Variants in RANGAP1 observed in about 807,000 individuals in gnomAD.
RANGAP1 encodes the protein Ran GTPase activating protein 1.
In RANGAP1, 38 loss-of-function variants were observed where a neutral mutation model predicts 63.5. The observed-to-expected ratio is 0.60, with a 90% CI of 0.46 to 0.78. RANGAP1 has a LOEUF of 0.78. RANGAP1 is among the 30% of genes least tolerant of loss of function. The pLI is 0.00. For missense variants in RANGAP1, 630 were observed against 740.3 expected, an observed-to-expected ratio of 0.85 and a Z score of 1.73; for synonymous variants, 329 against 310.5, an observed-to-expected ratio of 1.06 and a Z score of -0.63.
intron 2 of RANGAP1, among the ~76,000 whole-genome samples, chr22:41,275,918 C>A (rs185590483): frequency 1.3e-5 from 2 of 152,170 alleles, no homozygotes; most frequent in East Asian, 3.9e-4. Context: ...AGCACTCCAG[C>A]CAGGGGGACA....
At chr22:41,296,770 TGA>T in the RANGAP1 span, among the ~76,000 whole-genome samples, 1 of 152,076 alleles carries the variant, frequency 6.6e-6, no homozygotes. Context: ...TATGTACGTA[TGA>T]GAGAGAGACA....
rs139509 is a variant in RANGAP1 at position 41,256,729 on chromosome 22, G to A, written c.870C>T (p.Gly290=). The stretch of plus-strand genomic sequence containing the variant: ...CTGGCACCTTTAGCTTGGGCAGGCC[G>A]CCGCGGATGGCATCTGCAATGGCAA... ...GAVAIADAIR[G]GLPKLKELNL... Residue 290 remains glycine, a synonymous_variant, in exon 8 of 16, where the codon GGC becomes GGT. Coordinates refer to ENST00000356244, the MANE Select transcript of RANGAP1 (RefSeq NM_002883.4). 0.25 allele frequency: 408,108 copies of A among 1,613,150 alleles called. 54,950 individuals carry two copies. Among genetic ancestry groups the A allele is most frequent in the Non-Finnish European group, 0.27 (319,222 of 1,179,538 alleles).
At chr22:41,301,306 G>A in the RANGAP1 span, among the ~76,000 whole-genome samples, 1 of 152,034 alleles carries the variant, frequency 6.6e-6, no homozygotes, top group Non-Finnish European at 1.5e-5. Context: ...GCCCAGAAAT[G>A]CAGAACTGCC....
In RANGAP1 at chr22:41,274,590, C is replaced by G; in HGVS notation, c.240+10G>C. On this transcript the variant is annotated intron_variant, in intron 3 of 15. Coordinates refer to ENST00000356244, the MANE Select transcript of RANGAP1 (RefSeq NM_002883.4). ...AACCAGCCTGGGCCTACTCGCCCCA[C>G]TCTGCTCACCTTCAACTCCGACTTC... 1 of 1,614,104 alleles carries G rather than the reference C, an allele frequency of 6.2e-7. No individual in the cohort carries two copies. The highest frequency in any genetic ancestry group is 2.2e-5 in the East Asian group (1 of 44,884).
chr22:41,252,971 G>T lies in RANGAP1; in HGVS notation c.1281C>A (p.Ser427=). Residue 427 remains serine, a synonymous_variant, in exon 12 of 16, where the codon TCC becomes TCA. Coordinates refer to ENST00000356244, the MANE Select transcript of RANGAP1 (RefSeq NM_002883.4). The part of the protein sequence containing the change: ...PNTGEPAPVL[S]SPPPADVSTF... The stretch of plus-strand genomic sequence containing the variant: ...TGGAGACGTCTGCAGGAGGTGGGGA[G>T]GACAGCACGGGAGCTGGCTCCTGGG... The T allele has an allele frequency of 6.6e-7, 1 of 1,523,064 alleles. No homozygotes were observed. Among genetic ancestry groups the T allele is most frequent in the Non-Finnish European group, 8.8e-7 (1 of 1,138,698 alleles). 94.3% of individuals were successfully genotyped at this position (1,523,064 alleles called of 1,614,324 possible). A position where few individuals can be genotyped will look rare whatever the true frequency, so the allele number is the denominator to read the frequency against.
At chr22:41,275,601 A>T (rs2035088834) in intron 2 of RANGAP1, among the ~76,000 whole-genome samples, 1 of 149,376 alleles carries the variant, frequency 6.7e-6, no homozygotes, top group African/African-American at 2.5e-5. Context: ...CAATATAGTG[A>T]AACCCCATCT....
chr22:41,253,204 G>A (rs2033591886), intron 11 of RANGAP1, among the ~76,000 whole-genome samples: 1 of 152,112 alleles, frequency 6.6e-6, no homozygotes, highest in African/African-American at 2.4e-5. Flanking sequence ...AGGAGCCTTT[G>A]GGGTGAGGGG....
intron 5 of RANGAP1, 48 bp from the exon 6 acceptor site, chr22:41,261,628 C>A: frequency 6.2e-7 from 1 of 1,612,366 alleles, no homozygotes; most frequent in Non-Finnish European, 8.5e-7. Flanking sequence ...AGCCCCTTCT[C>A]CCAGCGGGGT....
chr22:41,267,109 C>T (rs1034136130), intron 4 of RANGAP1, among the ~76,000 whole-genome samples: 39 of 151,876 alleles, frequency 2.6e-4, no homozygotes, highest in African/African-American at 9.2e-4. Context: ...GAACTCCTGA[C>T]CTCAAGCGAT....
At chr22:41,250,491 G>A (rs1442843783) in intron 13 of RANGAP1, among the ~76,000 whole-genome samples, 1 of 152,218 alleles carries the variant, frequency 6.6e-6, no homozygotes, top group Non-Finnish European at 1.5e-5. Flanking sequence ...AAACAGGGTG[G>A]AAGGTGACAG....
At chr22:41,256,317 C>G in intron 8 of RANGAP1, 27 bp from the exon 9 acceptor site, 1 of 1,607,120 alleles carries the variant, frequency 6.2e-7, no homozygotes. Flanking sequence ...GGGTTGGAGG[C>G]AGGCAGAAAC....
rs774810603 is a variant in RANGAP1, at chr22:41,274,652, A to G, written c.188T>C (p.Val63Ala). 96 of 1,614,042 alleles carry G rather than the reference A, an allele frequency of 5.9e-5. No homozygotes were observed. Among genetic ancestry groups the G allele is most frequent in the Non-Finnish European group, 7.4e-5 (87 of 1,180,034 alleles). The change falls in exon 3 of 16, where the codon GTG becomes GCG. Residue 63 changes from valine to alanine, a missense_variant. Val to Ala is a moderately conservative substitution (Grantham distance 64, BLOSUM62 0). Transcript: ENST00000356244. ...CTTGGCGATGACCCTGGCTGCTTCC[A>G]CGCCCACTGTGTTGCCTTCCAGACG... is the stretch of plus-strand genomic sequence containing the variant. The part of the protein sequence containing the change: ...ALRLEGNTVG[V>A]EAARVIAKAL...
intron 3 of RANGAP1, among the ~76,000 whole-genome samples, chr22:41,269,779 G>A (rs2034689342): frequency 6.7e-6 from 1 of 150,136 alleles, no homozygotes; most frequent in South Asian, 2.1e-4. Flanking sequence ...AAATTTGAAT[G>A]TTCCTAGCAT....
chr22:41,285,373 A>G, intron 1 of RANGAP1: 1 of 516,366 alleles, frequency 1.9e-6, no homozygotes, highest in Non-Finnish European at 2.5e-6. Context: ...TTTATAAACC[A>G]AGAAACTGGA....
chr22:41,302,247 AC>A, the RANGAP1 span, among the ~76,000 whole-genome samples: 3 of 150,410 alleles, frequency 2.0e-5, no homozygotes, highest in African/African-American at 7.4e-5. The surrounding 1 kb of genome is among the most constrained non-coding windows in gnomAD (Gnocchi z 5.7). Context: ...GCCCCGCAGC[AC>A]CCGGAGTTGG....
chr22:41,248,070 C>T (rs1983631), intron 15 of RANGAP1, among the ~76,000 whole-genome samples: 51,079 of 151,998 alleles, frequency 0.34, 9,095 homozygotes, highest in Admixed American at 0.52. Flanking sequence ...AGGGCTCAGG[C>T]GCAGACGGGG....
the RANGAP1 span, among the ~76,000 whole-genome samples, chr22:41,299,639 T>C: frequency 6.6e-6 from 1 of 152,200 alleles, no homozygotes; most frequent in Non-Finnish European, 1.5e-5. Context: ...AAGCGGTGGC[T>C]GTTACTGCTA....
the RANGAP1 span, among the ~76,000 whole-genome samples, chr22:41,297,720 T>G: frequency 2.7e-5 from 4 of 145,870 alleles, no homozygotes; most frequent in African/African-American, 1.0e-4. Context: ...AGACCGAGTC[T>G]TGCTCTATCG....
At chr22:41,279,886 TGAG>T (rs1872082267) in intron 2 of RANGAP1, among the ~76,000 whole-genome samples, 1 of 150,542 alleles carries the variant, frequency 6.6e-6, no homozygotes, top group African/African-American at 2.4e-5. Context: ...TCACCTGAGA[TGAG>T]GAGTTCGAGA....
Sources: allele counts gnomAD v4.1 joint callset (sites outside exome capture counted in the v4.1 genomes callset), GRCh38; gene constraint gnomAD v4.1.1; non-coding constraint Gnocchi (gnomAD v3.1); transcripts MANE v1.5; gene names NCBI Gene and HGNC (gene_info 2026-07-23, HGNC 2026-07-21).